The following NQO2 variants were observed in gnomAD, a reference collection of about 807,000 sequenced individuals.
NQO2 encodes N-ribosyldihydronicotinamide:quinone dehydrogenase 2, also known as ribosyldihydronicotinamide dehydrogenase [quinone].
A neutral mutation model predicts 22.0 loss-of-function variants in NQO2; 18 were observed. The ratio of observed to expected loss-of-function variants is 0.82; its 90% CI spans 0.56 to 1.21. The LOEUF (loss-of-function observed/expected upper bound fraction) is 1.21, where lower values mean the gene tolerates loss of function less well. Ranked by LOEUF, NQO2 falls within the 50% of genes most tolerant of loss-of-function variation. NQO2 has a pLI of 0.00. For synonymous variants in NQO2, 106 were observed against 110.8 expected (o/e 0.96, Z 0.28); for missense variants, 267 against 286.9 (o/e 0.93, Z 0.50).
At chr6:3,016,389 C>T (rs1757327513) in intron 5 of NQO2, among the ~76,000 whole-genome samples, 1 of 143,650 alleles carries the variant, frequency 7.0e-6, no homozygotes, top group Admixed American at 7.1e-5. Context: ...CAAAATCGCA[C>T]CATTGCATTC....
intron 1 of NQO2, chr6:3,005,643 G>C (rs780291549): frequency 1.3e-4 from 127 of 985,172 alleles, no homozygotes; most frequent in Non-Finnish European, 1.5e-4. Flanking sequence ...AGGGAGAGTG[G>C]GTTTGTTGGA....
chr6:3,003,906 T>G (rs1286535063), intron 1 of NQO2: 1 of 150,660 alleles, frequency 6.6e-6, no homozygotes, highest in Non-Finnish European at 1.5e-5. Flanking sequence ...AACACAAATA[T>G]CTGCAGTTGC....
In NQO2 at chr6:3,016,726, T is replaced by C. The variant is rs1286263272; in HGVS notation, c.418-158T>C. The C allele has an allele frequency of 5.1e-6, 5 of 983,794 alleles. No individual in the cohort carries two copies. The East Asian group carries it at 5.7e-4, about 112-fold the overall frequency. The allele number at this position is 983,794 out of a possible 1,614,324, so 60.9% of individuals were successfully genotyped here. On this transcript the variant is annotated intron_variant, in intron 5 of 6. Coordinates refer to ENST00000380455, the MANE Select transcript of NQO2 (RefSeq NM_000904.6). Reference sequence around the variant, plus strand: ...GTCTCCTCCTCCTCTTGGGATGTCATTGTCACCTATGGATGGGAGTGTTGC... The same window carrying C: ...GTCTCCTCCTCCTCTTGGGATGTCACTGTCACCTATGGATGGGAGTGTTGC...
At chr6:3,005,469 T>G (rs1469053081) in intron 1 of NQO2, among the ~76,000 whole-genome samples, 1 of 152,234 alleles carries the variant, frequency 6.6e-6, no homozygotes, top group African/African-American at 2.4e-5. Context: ...ATTGTGGTTT[T>G]GATTTGCATT....
chr6:3,017,401 T>C (rs1019555687), intron 6 of NQO2, among the ~76,000 whole-genome samples: 9 of 152,184 alleles, frequency 5.9e-5, no homozygotes, highest in African/African-American at 2.2e-4. Context: ...GCACTGCCCT[T>C]GGACCCTGGC....
chr6:3,000,524 T>A (rs1320324597), intron 1 of NQO2, among the ~76,000 whole-genome samples: 1 of 144,082 alleles, frequency 6.9e-6, no homozygotes, highest in East Asian at 2.0e-4. Context: ...ATAATCTCTC[T>A]GGGAAAAAAA....
chr6:3,000,839 C>G (rs1000386937), intron 1 of NQO2, among the ~76,000 whole-genome samples: 12 of 147,878 alleles, frequency 8.1e-5, no homozygotes, highest in African/African-American at 2.2e-4. Flanking sequence ...TCCCGGCCCT[C>G]TTTTTCTTTT....
intron 1 of NQO2, 24 bp downstream of exon 1, chr6:3,000,109 CG>C: frequency 6.6e-6 from 1 of 152,530 alleles, no homozygotes. Flanking sequence ...TGTCGGGGAC[CG>C]GGGGACTTGG....
intron 2 of NQO2, among the ~76,000 whole-genome samples, chr6:3,008,612 G>A (rs563945516): frequency 4.6e-5 from 7 of 152,258 alleles, no homozygotes; most frequent in South Asian, 2.1e-4. Flanking sequence ...TTAGCTGGGC[G>A]TAGTGGCACA....
chr6:3,010,295 C>G (rs1221109873), intron 3 of NQO2, 106 bp downstream of exon 3: 5 of 970,016 alleles, frequency 5.2e-6, no homozygotes, highest in Non-Finnish European at 7.4e-6. Context: ...AGCAAGCTAG[C>G]TTCACTTTCC....
Position 3,019,505 on chromosome 6 carries a change from TA to T in NQO2, c.549del (p.Val184SerfsTer75). 5 of 1,614,094 alleles carry T rather than the reference TA, an allele frequency of 3.1e-6. No individual in the cohort carries two copies. Among genetic ancestry groups the T allele is most frequent in the Non-Finnish European group, 4.2e-6 (5 of 1,179,982 alleles). The part of the protein sequence containing the change: ...QHGTLHFCGF[K>X]VLAPQISFAP... Reference sequence around the variant, plus strand: ...ATGGCACATTACACTTCTGTGGATTTAAAGTCCTTGCCCCTCAGATCAGCTT... The same window carrying T: ...ATGGCACATTACACTTCTGTGGATTTAAGTCCTTGCCCCTCAGATCAGCTT... On this transcript the variant is annotated frameshift_variant, in exon 7 of 7. Coordinates refer to ENST00000380455, the MANE Select transcript of NQO2 (RefSeq NM_000904.6). LOFTEE classifies it low-confidence loss of function (END_TRUNC).
rs935685015 is a variant in NQO2, at chr6:3,015,152, A to G, written c.304-378A>G. The G allele has an allele frequency of 6.1e-6, 8 of 1,303,570 alleles. No homozygotes were observed. In the African/African-American group the frequency reaches 1.2e-4, roughly 20 times the overall value. 80.8% of individuals were successfully genotyped at this position (1,303,570 alleles called of 1,614,324 possible). A position where few individuals can be genotyped will look rare whatever the true frequency, so the allele number is the denominator to read the frequency against. On this transcript the variant is annotated intron_variant, in intron 4 of 6. Transcript: ENST00000380455. ...CTCAGTCTGACTTCCAGATGCTAAC[A>G]ACACACCCCAGGCAGGCGAAGGGGC...
Position 3,019,644 on chromosome 6 carries a change from T to G in NQO2, c.685T>G (p.Phe229Val), listed in dbSNP as rs1259396624. ...EPIPCTAHWHFGQ is the reference protein window; with the variant it reads ...EPIPCTAHWHVGQ ...CATCCCCTGCACAGCCCACTGGCAC[T>G]TCGGGCAATAACTCTGTGGCACGTG... Residue 229 changes from phenylalanine to valine, a missense_variant, in exon 7 of 7, where the codon TTC (phenylalanine) becomes GTC (valine). Phe to Val is a conservative substitution (Grantham distance 50). Coordinates refer to ENST00000380455, the MANE Select transcript of NQO2 (RefSeq NM_000904.6). 6.2e-7 allele frequency: 1 copy of G among 1,608,144 alleles called. No homozygotes were observed. The highest frequency in any genetic ancestry group is 2.2e-5 in the East Asian group (1 of 44,778).
At chr6:3,017,922 T>A (rs1251156602) in intron 6 of NQO2, among the ~76,000 whole-genome samples, 4 of 152,334 alleles carry the variant, frequency 2.6e-5, no homozygotes, top group East Asian at 1.9e-4. Flanking sequence ...TGGTATTTTT[T>A]AATTTTCTAT....
intron 3 of NQO2, among the ~76,000 whole-genome samples, chr6:3,011,864 T>C (rs1757146938): frequency 6.6e-6 from 1 of 152,162 alleles, no homozygotes; most frequent in South Asian, 2.1e-4. Flanking sequence ...GAGAGAGTCT[T>C]TCCCAAACAA....
In NQO2 at chr6:3,012,539, G is replaced by A. The variant is rs149929763; in HGVS notation, c.173-5G>A. On this transcript the variant is annotated splice_polypyrimidine_tract_variant and splice_region_variant and intron_variant, in intron 3 of 6. Coordinates refer to ENST00000380455, the MANE Select transcript of NQO2 (RefSeq NM_000904.6). ...AGTGAGAATGTTTGGCCTCTTCCCCGACAGGTACTCTTTCTAATCCTGAGG... is the reference window on the plus strand; with the variant it reads ...AGTGAGAATGTTTGGCCTCTTCCCCAACAGGTACTCTTTCTAATCCTGAGG... The A allele has an allele frequency of 2.0e-3, 3,152 of 1,613,826 alleles. 57 individuals carry two copies. In the Admixed American group the frequency reaches 0.028, roughly 14 times the overall value.
At position 3,019,578 on chromosome 6, in the gene NQO2, G is replaced by A. The variant is rs1301372030; in HGVS notation, c.619G>A (p.Ala207Thr). The A allele has an allele frequency of 6.2e-7, 1 of 1,614,048 alleles. No homozygotes were observed. Among genetic ancestry groups the A allele is most frequent in the African/African-American group, 1.3e-5 (1 of 74,918 alleles). The change falls in exon 7 of 7, where the codon GCG (alanine) becomes ACG (threonine). Residue 207 changes from alanine (A) to threonine (T), a missense_variant. By Grantham distance (58) the Ala-to-Thr change is moderately conservative. Coordinates refer to ENST00000380455, the MANE Select transcript of NQO2 (RefSeq NM_000904.6). ...SEEERKGMVAAWSQRLQTIWK... is the reference protein window; with the variant it reads ...SEEERKGMVATWSQRLQTIWK... ...AGAAGAAAGAAAGGGGATGGTGGCT[G>A]CGTGGTCCCAGAGGCTGCAGACCAT...
intron 3 of NQO2, 122 bp downstream of exon 3, chr6:3,010,311 CAAAT>C (rs1056787904): frequency 3.9e-6 from 3 of 775,280 alleles, no homozygotes; most frequent in East Asian, 2.7e-5. Context: ...TTTCCAAAAA[CAAAT>C]AGATAGCACT....
chr6:3,004,015 G>A (rs1260404117), intron 1 of NQO2, among the ~76,000 whole-genome samples: 1 of 151,884 alleles, frequency 6.6e-6, no homozygotes, highest in Non-Finnish European at 1.5e-5. Context: ...CCATCCCCAG[G>A]ACGACAAGAA....
Sources: gnomAD v4.1 joint callset for allele counts (sites outside exome capture counted in the v4.1 genomes callset) on GRCh38, gnomAD v4.1.1 for gene constraint, MANE v1.5 for transcripts, NCBI Gene and HGNC (gene_info 2026-07-23, HGNC 2026-07-21) for gene names.